Variants in QTMAN observed in about 807,000 individuals in gnomAD.
QTMAN encodes the protein tRNA-queuosine alpha-mannosyltransferase.
At chr2:144,298,577 T>C in the QTMAN span, among the ~76,000 whole-genome samples, 4 of 152,164 alleles carry the variant, frequency 2.6e-5, no homozygotes, top group Admixed American at 2.6e-4. Context: ...TAAATCTATG[T>C]TCTTCACTCA....
chr2:144,110,643 G>T, the QTMAN span, among the ~76,000 whole-genome samples: 5 of 147,046 alleles, frequency 3.4e-5, no homozygotes, highest in Admixed American at 1.4e-4. Context: ...AATAAGGAAG[G>T]ACTATTCTTC....
the QTMAN span, among the ~76,000 whole-genome samples, chr2:144,329,535 C>G: frequency 1.3e-5 from 2 of 152,176 alleles, no homozygotes; most frequent in Non-Finnish European, 2.9e-5. Flanking sequence ...CAGAGGGTCA[C>G]TCAATTCAGG....
At chr2:143,979,369 ACT>A in the QTMAN span, among the ~76,000 whole-genome samples, 1 of 152,080 alleles carries the variant, frequency 6.6e-6, no homozygotes, top group Non-Finnish European at 1.5e-5. Context: ...ACCAGAGGGG[ACT>A]CTCATTTTTA....
the QTMAN span, among the ~76,000 whole-genome samples, chr2:144,110,300 C>T: frequency 2.0e-5 from 3 of 152,120 alleles, no homozygotes; most frequent in East Asian, 3.9e-4. Context: ...GACAAAAAAC[C>T]GAACACCGCA....
chr2:144,029,826 T>C, the QTMAN span, among the ~76,000 whole-genome samples: 4 of 152,106 alleles, frequency 2.6e-5, no homozygotes, highest in Non-Finnish European at 5.9e-5. Flanking sequence ...GGTAGGCAGA[T>C]ATTATCTTCC....
the QTMAN span, among the ~76,000 whole-genome samples, chr2:144,066,446 C>G: frequency 6.6e-6 from 1 of 152,206 alleles, no homozygotes; most frequent in Non-Finnish European, 1.5e-5. Flanking sequence ...GCCAATTTTT[C>G]AGCACTTCAA....
chr2:144,142,043 A>G, the QTMAN span: 2 of 1,609,528 alleles, frequency 1.2e-6, no homozygotes, highest in Middle Eastern at 1.7e-4. Flanking sequence ...ATACAACCAC[A>G]TCAGCCACCA....
the QTMAN span, among the ~76,000 whole-genome samples, chr2:143,984,909 C>T: frequency 1.3e-5 from 2 of 152,178 alleles, no homozygotes; most frequent in African/African-American, 2.4e-5. Context: ...CTCTTTAATT[C>T]ATTCAGGTTA....
the QTMAN span, among the ~76,000 whole-genome samples, chr2:144,142,309 C>T: frequency 1.3e-5 from 2 of 151,802 alleles, no homozygotes; most frequent in African/African-American, 4.8e-5. Context: ...TTAATGGGAT[C>T]GCATGAGACT....
chr2:144,263,386 T>G, the QTMAN span, among the ~76,000 whole-genome samples: 1 of 152,096 alleles, frequency 6.6e-6, no homozygotes, highest in Non-Finnish European at 1.5e-5. Flanking sequence ...TGTACCATAG[T>G]GCAAAGATGT....
chr2:144,108,774 T>C, the QTMAN span, among the ~76,000 whole-genome samples: 2,071 of 151,656 alleles, frequency 0.014, 46 homozygotes, highest in African/African-American at 0.046. Flanking sequence ...AATAACAGAC[T>C]AACAGAGAGC....
chr2:144,157,782 T>C, the QTMAN span, among the ~76,000 whole-genome samples: 813 of 151,888 alleles, frequency 5.4e-3, 7 homozygotes, highest in African/African-American at 0.019. Flanking sequence ...ATAACACATA[T>C]ATAACTATAT....
chr2:144,313,599 T>C, the QTMAN span, among the ~76,000 whole-genome samples: 2 of 152,160 alleles, frequency 1.3e-5, no homozygotes, highest in Non-Finnish European at 2.9e-5. Context: ...TTTAATTATA[T>C]ATACATTTCA....
At chr2:144,085,270 T>A in the QTMAN span, among the ~76,000 whole-genome samples, 1 of 152,250 alleles carries the variant, frequency 6.6e-6, no homozygotes, top group East Asian at 1.9e-4. Flanking sequence ...GGCCATAGTT[T>A]TCCGAACTCT....
At chr2:144,226,740 T>A in the QTMAN span, among the ~76,000 whole-genome samples, 2 of 152,146 alleles carry the variant, frequency 1.3e-5, no homozygotes, top group Non-Finnish European at 2.9e-5. Flanking sequence ...AATAGGGTTA[T>A]ATAGGGGATG....
chr2:143,982,873 A>AAAAAG, the QTMAN span, among the ~76,000 whole-genome samples: 1 of 149,680 alleles, frequency 6.7e-6, no homozygotes, highest in Non-Finnish European at 1.5e-5. Context: ...AAAAAAAAAA[A>AAAAAG]AGAATAGATA....
chr2:143,983,709 G>A, the QTMAN span, among the ~76,000 whole-genome samples: 19,055 of 151,992 alleles, frequency 0.13, 1,554 homozygotes, highest in Non-Finnish European at 0.18. Flanking sequence ...TCCTGACCTC[G>A]TGATCCGCCT....
chr2:144,132,334 G>C, the QTMAN span, among the ~76,000 whole-genome samples: 1 of 151,986 alleles, frequency 6.6e-6, no homozygotes, highest in Non-Finnish European at 1.5e-5. Flanking sequence ...TAGGGAATGA[G>C]CCACTCTGGC....
the QTMAN span, among the ~76,000 whole-genome samples, chr2:144,322,598 G>GA: frequency 1.0e-4 from 15 of 148,336 alleles, no homozygotes; most frequent in East Asian, 7.8e-4. Flanking sequence ...TGAGCAACAT[G>GA]AAAAAAAAAA....
Sources: allele counts gnomAD v4.1 joint callset (sites outside exome capture counted in the v4.1 genomes callset), GRCh38; gene constraint gnomAD v4.1.1; transcripts MANE v1.5; gene names NCBI Gene and HGNC (gene_info 2026-07-23, HGNC 2026-07-21).